The following LMTK2 variants were observed in gnomAD, a reference collection of about 807,000 sequenced individuals.
The protein encoded by LMTK2 is serine/threonine-protein kinase LMTK2.
A neutral mutation model predicts 127.5 loss-of-function variants in LMTK2; 37 were observed. The ratio of observed to expected loss-of-function variants is 0.29; its 90% CI spans 0.22 to 0.38. The LOEUF (loss-of-function observed/expected upper bound fraction) is 0.38. Ranked by LOEUF, LMTK2 falls within the 10% of genes least tolerant of loss-of-function variation. The pLI, the probability that LMTK2 is intolerant of heterozygous loss-of-function variation, is 1.00. For synonymous variants in LMTK2, 819 were observed against 810.1 expected, an observed-to-expected ratio of 1.01 and a Z score of -0.19; for missense variants, 1,694 against 1,920.3, an observed-to-expected ratio of 0.88 and a Z score of 2.20.
rs267601655 is a variant in LMTK2, at chr7:98,194,489, C to G, written c.4024C>G (p.Pro1342Ala). 1 of 1,613,820 alleles carries G rather than the reference C, an allele frequency of 6.2e-7. No individual in the cohort carries two copies. Among genetic ancestry groups the G allele is most frequent in the Non-Finnish European group, 8.5e-7 (1 of 1,180,034 alleles). ...SLLKPTAANA[P>A]DPLPEDWKKE... ...GTTGAAGCCCACAGCGGCCAATGCC[C>G]CCGACCCACTGCCCGAGGACTGGAA... The change falls in exon 11 of 14, where the codon CCC (proline) becomes GCC (alanine). Residue 1342 changes from proline (P) to alanine (A), a missense_variant. By Grantham distance (27) the Pro-to-Ala change is conservative. Coordinates refer to ENST00000297293, the MANE Select transcript of LMTK2 (RefSeq NM_014916.4). The surrounding 1 kb of genome is among the most constrained non-coding windows in gnomAD (Gnocchi z 5.4).
At chr7:98,145,803 C>A (rs1796765425) in intron 3 of LMTK2, among the ~76,000 whole-genome samples, 1 of 152,140 alleles carries the variant, frequency 6.6e-6, no homozygotes, top group South Asian at 2.1e-4. Flanking sequence ...TAAAACTTTT[C>A]CGTTTTAATT....
intron 9 of LMTK2, 124 bp from the exon 10 acceptor site, chr7:98,190,604 A>T: frequency 1.1e-6 from 1 of 909,624 alleles, no homozygotes; most frequent in South Asian, 1.6e-5. Flanking sequence ...AACAACAAAG[A>T]TCCTATTAAT....
intron 7 of LMTK2, among the ~76,000 whole-genome samples, chr7:98,175,858 G>A (rs1416526828): frequency 6.6e-6 from 1 of 152,212 alleles, no homozygotes; most frequent in African/African-American, 2.4e-5. Flanking sequence ...TAAAAGGCTC[G>A]AGGTCCAGAG....
At chr7:98,117,226 C>A (rs1410519311) in intron 1 of LMTK2, among the ~76,000 whole-genome samples, 1 of 152,158 alleles carries the variant, frequency 6.6e-6, no homozygotes, top group African/African-American at 2.4e-5. Flanking sequence ...TGAAGAGACT[C>A]GCGTATTCTC....
At chr7:98,119,505 AT>A (rs1338134844) in intron 1 of LMTK2, among the ~76,000 whole-genome samples, 1 of 152,150 alleles carries the variant, frequency 6.6e-6, no homozygotes, top group Non-Finnish European at 1.5e-5. Context: ...TGAAATAAGT[AT>A]TTTTTTATTT....
At chr7:98,185,180 T>G in intron 8 of LMTK2, 45 bp downstream of exon 8, 1 of 1,378,056 alleles carries the variant, frequency 7.3e-7, no homozygotes. Flanking sequence ...TAATTTGAAT[T>G]GTGAAGTTGT....
At chr7:98,181,184 CTT>C (rs1243374779) in intron 7 of LMTK2, among the ~76,000 whole-genome samples, 3 of 152,184 alleles carry the variant, frequency 2.0e-5, no homozygotes, top group African/African-American at 7.2e-5. Context: ...CAAACCAAGA[CTT>C]GTGTTTGGAG....
In LMTK2 at chr7:98,137,358, C is replaced by G; in HGVS notation, c.147C>G (p.Ile49Met). 6.2e-7 allele frequency: 1 copy of G among 1,613,576 alleles called. No individual in the cohort carries two copies. The highest frequency in any genetic ancestry group is 8.5e-7 in the Non-Finnish European group (1 of 1,179,768). ...PAAEVSSSFV[I>M]LCVCSLIILI... ...CAGAAGTTTCCTCATCTTTTGTGAT[C>G]CTGTGTGTGTGCAGTTTAATAATAT... Residue 49 changes from isoleucine to methionine, a missense_variant, in exon 2 of 14, where the codon ATC becomes ATG. Coordinates refer to ENST00000297293, the MANE Select transcript of LMTK2 (RefSeq NM_014916.4).
intron 10 of LMTK2, 58 bp from the exon 11 acceptor site, chr7:98,191,556 C>CAA (rs377130793): frequency 0.026 from 32,630 of 1,231,698 alleles, no homozygotes; most frequent in Non-Finnish European, 0.032. Context: ...CGTCTCGAAC[C>CAA]AAAAAAAAAA....
chr7:98,204,508 C>T (rs1235804326), intron 13 of LMTK2, among the ~76,000 whole-genome samples: 2 of 151,954 alleles, frequency 1.3e-5, no homozygotes, highest in African/African-American at 4.8e-5. Flanking sequence ...TGCACCTGCA[C>T]TTCAGCTACT....
intron 11 of LMTK2, among the ~76,000 whole-genome samples, chr7:98,197,735 A>G (rs1461592738): frequency 3.3e-5 from 5 of 152,042 alleles, no homozygotes; most frequent in African/African-American, 1.2e-4. Context: ...TCACCTGCTC[A>G]GGAGGCTGAG....
Position 98,193,839 on chromosome 7 carries a change from C to A in LMTK2, c.3374C>A (p.Pro1125Gln), listed in dbSNP as rs778101325. Residue 1125 changes from proline (P) to glutamine (Q), a missense_variant, in exon 11 of 14, where the codon CCA becomes CAA. Around this residue, in one of 8 missense-constraint regions of LMTK2, gnomAD observed 554 missense variants for 567.7 expected, o/e 0.98. Coordinates refer to ENST00000297293, the MANE Select transcript of LMTK2 (RefSeq NM_014916.4). This position sits in a 1 kb window ranked among gnomAD's most constrained non-coding sequence, Gnocchi z 4.1. ...KRSEEVPGTS[P>Q]SALVLVQEQP... ...TCTGAGGAGGTCCCGGGAACCTCCCCATCCGCCTTGGTGTTGGTACAGGAG... is the reference window on the plus strand; with the variant it reads ...TCTGAGGAGGTCCCGGGAACCTCCCAATCCGCCTTGGTGTTGGTACAGGAG... 1 of 1,614,126 alleles carries A rather than the reference C, an allele frequency of 6.2e-7. No individual in the cohort carries two copies. Among genetic ancestry groups the A allele is most frequent in the South Asian group, 1.1e-5 (1 of 91,070 alleles).
At chr7:98,153,476 GT>G (rs1796885818) in intron 4 of LMTK2, among the ~76,000 whole-genome samples, 1 of 152,204 alleles carries the variant, frequency 6.6e-6, no homozygotes, top group Admixed American at 6.5e-5. Context: ...GAAAGAAGTT[GT>G]TCAGGGGGAA....
At chr7:98,117,109 C>G (rs1348236130) in intron 1 of LMTK2, among the ~76,000 whole-genome samples, 3 of 152,150 alleles carry the variant, frequency 2.0e-5, no homozygotes, top group Non-Finnish European at 4.4e-5. Flanking sequence ...GTTACTCTGT[C>G]CTCCCCTCCC....
chr7:98,199,369 C>T (rs1797675829), intron 11 of LMTK2, among the ~76,000 whole-genome samples: 1 of 152,150 alleles, frequency 6.6e-6, no homozygotes, highest in Non-Finnish European at 1.5e-5. Context: ...ATTTTCGCTT[C>T]CTGTATTTTG....
chr7:98,137,549 T>G, intron 2 of LMTK2, 107 bp downstream of exon 2: 2 of 1,030,242 alleles, frequency 1.9e-6, no homozygotes, highest in Non-Finnish European at 2.8e-6. Flanking sequence ...ATTTTTTTTC[T>G]TCCCCTAATG....
At chr7:98,150,588 C>G (rs918849814) in intron 3 of LMTK2, among the ~76,000 whole-genome samples, 13 of 152,206 alleles carry the variant, frequency 8.5e-5, no homozygotes, top group African/African-American at 3.1e-4. Context: ...GTGATAGCCT[C>G]AACCTGTAAA....
rs537082256 is a variant in LMTK2 at position 98,172,846 on chromosome 7, C to T, written c.791+1172C>T. Among the ~76,000 whole-genome samples the T allele has an allele frequency of 5.9e-5, 9 of 152,254 alleles. No individual in the cohort carries two copies. In the South Asian group the frequency reaches 8.3e-4, roughly 14 times the overall value. ...GATCTCGGCTCACTACAACCTCCAC[C>T]GCCAGGGTTCAAGTGATTCTCCTGC... On this transcript the variant is annotated intron_variant, in intron 7 of 13. Coordinates refer to ENST00000297293, the MANE Select transcript of LMTK2 (RefSeq NM_014916.4).
chr7:98,207,371 A>AT lies in LMTK2; in HGVS notation c.*1885dup, dbSNP rs1797822778. 6.6e-6 allele frequency: 1 copy of AT among 152,052 alleles called. No homozygotes were observed. Among genetic ancestry groups the AT allele is most frequent in the African/African-American group, 2.4e-5 (1 of 41,392 alleles). The allele number at this position is 152,052 out of a possible 1,614,324, so 9.4% of individuals were successfully genotyped here. On this transcript the variant is annotated 3_prime_UTR_variant, in exon 14 of 14. Coordinates refer to ENST00000297293, the MANE Select transcript of LMTK2 (RefSeq NM_014916.4). ...TTGCCAGTTCCACCCTACTCCTCTC[A>AT]TTTTTTATACTAAGCAATAACTTTC...
Sources: gnomAD v4.1 joint callset for allele counts (sites outside exome capture counted in the v4.1 genomes callset) on GRCh38, gnomAD v4.1.1 for gene constraint, gnomAD v4.1.1 regional missense constraint, Gnocchi (gnomAD v3.1) non-coding constraint, MANE v1.5 for transcripts, NCBI Gene and HGNC (gene_info 2026-07-23, HGNC 2026-07-21) for gene names.